The following LAMP5 variants were observed in gnomAD, a reference collection of about 807,000 sequenced individuals.
LAMP5 encodes the protein lysosome-associated membrane glycoprotein 5.
A neutral mutation model predicts 30.2 loss-of-function variants in LAMP5; 36 were observed. The ratio of observed to expected loss-of-function variants is 1.19; its 90% confidence interval spans 0.91 to 1.57. LAMP5 has a LOEUF of 1.57. Ranked by LOEUF, LAMP5 falls within the 40% of genes most tolerant of loss-of-function variation. LAMP5 has a pLI of 0.00. For missense variants in LAMP5, 377 were observed against 354.9 expected (o/e 1.06, Z -0.50); for synonymous variants, 149 against 134.6 (o/e 1.11, Z -0.74).
rs1385721027 is a variant in LAMP5 at position 9,515,975 on chromosome 20, G to C, written c.238-25G>C. 4.0e-6 allele frequency: 6 copies of C among 1,483,658 alleles called. No individual in the cohort carries two copies. In the Admixed American group the frequency reaches 1.3e-4, roughly 31 times the overall value. 91.9% of individuals were successfully genotyped at this position (1,483,658 alleles called of 1,614,324 possible). ...CGCCCCGGGGCCGGGCGAGCTGAGGGGGCGCGGGGCGTCTGTGTTCCCAGC... is the reference window on the plus strand; with the variant it reads ...CGCCCCGGGGCCGGGCGAGCTGAGGCGGCGCGGGGCGTCTGTGTTCCCAGC... On this transcript the variant is annotated intron_variant, in intron 2 of 5. Transcript: ENST00000246070.
At chr20:9,526,492 T>C (rs2045113175) in intron 5 of LAMP5, among the ~76,000 whole-genome samples, 1 of 152,188 alleles carries the variant, frequency 6.6e-6, no homozygotes, top group Admixed American at 6.5e-5. Flanking sequence ...AAAGAGGCAA[T>C]ATGGTATCAT....
Position 9,516,120 on chromosome 20 carries a change from C to T in LAMP5, c.358C>T (p.Leu120Phe). The change falls in exon 3 of 6, where the codon CTC becomes TTC. Residue 120 changes from leucine to phenylalanine, a missense_variant. Leu to Phe is a conservative substitution (Grantham distance 22). Coordinates refer to ENST00000246070, the MANE Select transcript of LAMP5 (RefSeq NM_012261.4). ...WVDRAYALKM[L>F]FVKESHNMSK... Reference sequence around the variant, plus strand: ...GGATCGCGCATATGCACTCAAAATGCTCTTTGTAAAGGTAACTCCGAGCCC... The same window carrying T: ...GGATCGCGCATATGCACTCAAAATGTTCTTTGTAAAGGTAACTCCGAGCCC... 6 of 1,554,830 alleles carry T rather than the reference C, an allele frequency of 3.9e-6. No individual in the cohort carries two copies. The highest frequency in any genetic ancestry group is 1.2e-5 in the South Asian group (1 of 80,900).
At chr20:9,517,499 A>G (rs1340347123) in intron 4 of LAMP5, among the ~76,000 whole-genome samples, 5 of 151,852 alleles carry the variant, frequency 3.3e-5, no homozygotes, top group African/African-American at 7.3e-5. Context: ...GGGCAGTGGC[A>G]CCACCATAGA....
intron 5 of LAMP5, among the ~76,000 whole-genome samples, chr20:9,524,276 G>C (rs2045097183): frequency 1.3e-5 from 2 of 151,940 alleles, no homozygotes; most frequent in Non-Finnish European, 2.9e-5. Flanking sequence ...CCGAGAAGGG[G>C]TCCTTAGTTT....
At position 9,529,810 on chromosome 20, in the gene LAMP5, A is replaced by G. The variant is rs375922757; in HGVS notation, c.833A>G (p.His278Arg). ...CCTCGGGACAGATCCCAGTATAAGC[A>G]CATGGGCTAGAGGCCGTTAGGCAGG... is the stretch of plus-strand genomic sequence containing the variant. Reference protein sequence around the residue: ...QIPRDRSQYKHMG With the variant: ...QIPRDRSQYKRMG Residue 278 changes from histidine to arginine, a missense_variant, in exon 6 of 6, where the codon CAC becomes CGC. Transcript: ENST00000246070. 29 of 1,614,012 alleles carry G rather than the reference A, an allele frequency of 1.8e-5. 1 individual carries two copies. Among genetic ancestry groups the G allele is most frequent in the Non-Finnish European group, 2.1e-5 (25 of 1,179,980 alleles).
chr20:9,520,792 G>C (rs1048428039), intron 5 of LAMP5, among the ~76,000 whole-genome samples: 1 of 152,184 alleles, frequency 6.6e-6, no homozygotes, highest in African/African-American at 2.4e-5. Context: ...CAAGGGCTGA[G>C]AGCAGCCCAA....
Position 9,515,517 on chromosome 20 carries a change from T to C in LAMP5, c.129T>C (p.Pro43=). Residue 43 remains proline (P), a synonymous_variant, in exon 2 of 6, where the codon CCT becomes CCC. Coordinates refer to ENST00000246070, the MANE Select transcript of LAMP5 (RefSeq NM_012261.4). ...ATCTCTCAGGCCTTTCCACTAACCC[T>C]GAAAAAGATATATTTGTGGTGCGGG... ...VENLSGLSTN[P]EKDIFVVREN... The C allele has an allele frequency of 6.2e-7, 1 of 1,614,162 alleles. No homozygotes were observed. The highest frequency in any genetic ancestry group is 1.7e-5 in the Admixed American group (1 of 60,026).
At chr20:9,528,313 T>TGC (rs1363976599) in intron 5 of LAMP5, among the ~76,000 whole-genome samples, 1 of 139,968 alleles carries the variant, frequency 7.1e-6, no homozygotes. Flanking sequence ...TGTGTGTGTG[T>TGC]GTGTGTGTGC....
chr20:9,529,133 A>G (rs1338613623), intron 5 of LAMP5, among the ~76,000 whole-genome samples: 3 of 152,128 alleles, frequency 2.0e-5, no homozygotes, highest in Non-Finnish European at 4.4e-5. Context: ...GATGCTGGGT[A>G]TGTTTGTCTT....
At chr20:9,527,059 A>G (rs1214501162) in intron 5 of LAMP5, among the ~76,000 whole-genome samples, 1 of 151,932 alleles carries the variant, frequency 6.6e-6, no homozygotes, top group Non-Finnish European at 1.5e-5. Context: ...TCCCCTTTGT[A>G]ATAAGTATCC....
intron 5 of LAMP5, among the ~76,000 whole-genome samples, chr20:9,528,423 A>T (rs1403387283): frequency 6.6e-6 from 1 of 152,144 alleles, no homozygotes; most frequent in Non-Finnish European, 1.5e-5. Flanking sequence ...TCAATAGCAG[A>T]GTAGGGTGAC....
At chr20:9,516,690 G>A (rs2122830057) in intron 4 of LAMP5, among the ~76,000 whole-genome samples, 1 of 152,260 alleles carries the variant, frequency 6.6e-6, no homozygotes, top group East Asian at 1.9e-4. Flanking sequence ...CCACGGAGAA[G>A]GGCAAAGCTG....
intron 5 of LAMP5, among the ~76,000 whole-genome samples, chr20:9,521,491 GC>G (rs2122838850): frequency 6.6e-6 from 1 of 152,296 alleles, no homozygotes; most frequent in South Asian, 2.1e-4. Flanking sequence ...AACAGTCTCA[GC>G]CTGCAGTGAA....
intron 5 of LAMP5, among the ~76,000 whole-genome samples, chr20:9,524,583 C>T (rs554929676): frequency 8.6e-6 from 1 of 116,864 alleles, no homozygotes; most frequent in South Asian, 2.5e-4. Context: ...TCATCTAAAA[C>T]CCAGATCGAA....
chr20:9,514,653 T>G lies in LAMP5; in HGVS notation c.-200T>G. 9 of 505,082 alleles carry G rather than the reference T, an allele frequency of 1.8e-5. No individual in the cohort carries two copies. The highest frequency in any genetic ancestry group is 3.5e-5 in the East Asian group (1 of 28,606). The allele number at this position is 505,082 out of a possible 1,614,324, so 31.3% of individuals were successfully genotyped here. The stretch of plus-strand genomic sequence containing the variant: ...GGTCCTTTCCTCCGCAGTGAGCCGA[T>G]TTGCTCTGCCAGCAGCTGTCGGTGC... On this transcript the variant is annotated 5_prime_UTR_variant, in exon 1 of 6. Transcript: ENST00000246070.
At chr20:9,522,258 G>A (rs887529844) in intron 5 of LAMP5, among the ~76,000 whole-genome samples, 1 of 152,176 alleles carries the variant, frequency 6.6e-6, no homozygotes, top group African/African-American at 2.4e-5. Flanking sequence ...CACTTAATCT[G>A]TATTTTACCC....
In LAMP5 at chr20:9,517,621, A is replaced by ATGTG. The variant is rs3037127; in HGVS notation, c.476-407_476-404dup. On this transcript the variant is annotated intron_variant, in intron 4 of 5. Transcript: ENST00000246070. ...CATGCCAGACTAATTTTGTAAATGT[A>ATGTG]TGTGTGTGTGTGTGTATTTGTAGAG... Among the ~76,000 whole-genome samples the ATGTG allele has an allele frequency of 1.0e-4, 15 of 149,134 alleles. No homozygotes were observed. In the East Asian group the frequency reaches 1.4e-3, roughly 14 times the overall value.
intron 5 of LAMP5, among the ~76,000 whole-genome samples, chr20:9,525,593 T>C (rs73236480): frequency 0.01 from 1,548 of 152,360 alleles, 19 homozygotes; most frequent in African/African-American, 0.034. Context: ...TAAAAGTTCA[T>C]GTATATCTCT....
At chr20:9,521,771 C>T (rs543332402) in intron 5 of LAMP5, among the ~76,000 whole-genome samples, 1 of 152,236 alleles carries the variant, frequency 6.6e-6, no homozygotes, top group East Asian at 1.9e-4. Flanking sequence ...AGGGAACAAA[C>T]CAGTCTGAGT....
Sources: gnomAD v4.1 joint callset for allele counts (sites outside exome capture counted in the v4.1 genomes callset) on GRCh38, gnomAD v4.1.1 for gene constraint, MANE v1.5 for transcripts, NCBI Gene and HGNC (gene_info 2026-07-23, HGNC 2026-07-21) for gene names.